Variants in PTPRN2 observed in about 807,000 individuals in gnomAD.
PTPRN2 encodes receptor-type tyrosine-protein phosphatase N2.
PTPRN2 carries 74 observed loss-of-function variants against 118.8 expected under a neutral mutation model. The ratio of observed to expected loss-of-function variants is 0.62; its 90% confidence interval spans 0.52 to 0.76. The LOEUF (loss-of-function observed/expected upper bound fraction) is 0.76, where lower values mean the gene tolerates loss of function less well. Among genes scored for constraint, PTPRN2 ranks in the 30% least tolerant of loss-of-function variants. PTPRN2 has a pLI of 0.00. For synonymous variants in PTPRN2, 641 were observed against 608.0 expected, an observed-to-expected ratio of 1.05 and a Z score of -0.80; for missense variants, 1,481 against 1,394.4, an observed-to-expected ratio of 1.06 and a Z score of -0.99.
intron 11 of PTPRN2, among the ~76,000 whole-genome samples, chr7:157,994,642 G>GTTCCTAAAATCAACGCCGCA (rs1804556065): frequency 8.0e-6 from 1 of 125,746 alleles, no homozygotes; most frequent in African/African-American, 3.5e-5. Context: ...TCAACGCCGT[G>GTTCCTAAAATCAACGCCGCA]TCCCCAGCTT....
At chr7:158,151,065 CT>C (rs1820998724) in intron 6 of PTPRN2, among the ~76,000 whole-genome samples, 4 of 120,602 alleles carry the variant, frequency 3.3e-5, no homozygotes, top group Non-Finnish European at 5.5e-5. Flanking sequence ...CACTGCCCGC[CT>C]TTCCACTCTT....
chr7:158,015,354 C>A lies in PTPRN2; in HGVS notation c.1723+65944G>T, dbSNP rs530087931. Among the ~76,000 whole-genome samples the A allele has an allele frequency of 2.0e-5, 3 of 152,214 alleles. No individual in the cohort carries two copies. Among genetic ancestry groups the A allele is most frequent in the South Asian group, 2.1e-4 (1 of 4,824 alleles). On this transcript the variant is annotated intron_variant, in intron 11 of 22. Transcript: ENST00000389418. This position sits in a 1 kb window ranked among gnomAD's most constrained non-coding sequence, Gnocchi z 4.2. ...TGTTTTTAACCTAAAATGAACAAATCCCCTGTCTACCGATTAAAAACTCTG... is the reference window on the plus strand; with the variant it reads ...TGTTTTTAACCTAAAATGAACAAATACCCTGTCTACCGATTAAAAACTCTG...
chr7:158,375,110 T>C lies in PTPRN2; in HGVS notation c.164-58178A>G, dbSNP rs370533802. The stretch of plus-strand genomic sequence containing the variant: ...TGGGGGAAACCAGCTCTCAGCTGCT[T>C]CACGTGGCAGTGAGACCCTAAATAT... On this transcript the variant is annotated intron_variant, in intron 2 of 22. Coordinates refer to ENST00000389418, the MANE Select transcript of PTPRN2 (RefSeq NM_002847.5). Among the ~76,000 whole-genome samples, 1,095 of 152,226 alleles carry C rather than the reference T, an allele frequency of 7.2e-3. 10 individuals carry two copies. The highest frequency in any genetic ancestry group is 0.025 in the African/African-American group (1,042 of 41,534).
At chr7:158,326,867 G>A (rs967396286) in intron 2 of PTPRN2, among the ~76,000 whole-genome samples, 7 of 134,420 alleles carry the variant, frequency 5.2e-5, no homozygotes, top group Admixed American at 1.5e-4. Context: ...GCTCATTCTC[G>A]CATGCACACG....
intron 2 of PTPRN2, among the ~76,000 whole-genome samples, chr7:158,469,672 C>G (rs1374671975): frequency 7.5e-6 from 1 of 133,164 alleles, no homozygotes; most frequent in East Asian, 2.3e-4. Context: ...AGATGCTCCT[C>G]AATCATTAAA....
rs559994751 is a variant in PTPRN2, at chr7:157,621,200, C to G, written c.2344+162G>C. 7.2e-5 allele frequency among the ~76,000 whole-genome samples: 11 copies of G among 151,992 alleles called. No individual in the cohort carries two copies. The East Asian group carries it at 2.1e-3, about 29-fold the overall frequency. The stretch of plus-strand genomic sequence containing the variant: ...ACGGCTAGTTTCCACTGCCTGTAAC[C>G]CAGGCCTCCCGTCCCCGGGGCTGGT... On this transcript the variant is annotated intron_variant, in intron 15 of 22. Coordinates refer to ENST00000389418, the MANE Select transcript of PTPRN2 (RefSeq NM_002847.5).
intron 3 of PTPRN2, among the ~76,000 whole-genome samples, chr7:158,264,504 C>T (rs539802608): frequency 3.3e-5 from 5 of 152,304 alleles, no homozygotes; most frequent in African/African-American, 9.6e-5. Flanking sequence ...TACGACAGAT[C>T]GCCATGGGCC....
At position 157,784,461 on chromosome 7, in the gene PTPRN2, C is replaced by T. The variant is rs916398849; in HGVS notation, c.1789-101524G>A. 7.2e-5 allele frequency among the ~76,000 whole-genome samples: 11 copies of T among 152,232 alleles called. No individual in the cohort carries two copies. The highest frequency in any genetic ancestry group is 1.3e-4 in the Non-Finnish European group (9 of 68,046). ...TCAGGGCTGGGTCCAGCCTCACCTGCAAAAGCTGTGGCTGCGGGAACCTTC... is the reference window on the plus strand; with the variant it reads ...TCAGGGCTGGGTCCAGCCTCACCTGTAAAAGCTGTGGCTGCGGGAACCTTC... On this transcript the variant is annotated intron_variant, in intron 12 of 22. Coordinates refer to ENST00000389418, the MANE Select transcript of PTPRN2 (RefSeq NM_002847.5). The surrounding 1 kb of genome is among the most constrained non-coding windows in gnomAD (Gnocchi z 4.6).
chr7:157,847,893 T>C (rs4716791), intron 12 of PTPRN2, among the ~76,000 whole-genome samples: 103 of 118,720 alleles, frequency 8.7e-4, no homozygotes, highest in Admixed American at 1.4e-3. Flanking sequence ...TGCCCGATGT[T>C]TACAGAGCCC....
chr7:158,274,676 G>T (rs1016812266), intron 3 of PTPRN2, among the ~76,000 whole-genome samples: 1 of 152,172 alleles, frequency 6.6e-6, no homozygotes, highest in African/African-American at 2.4e-5. Flanking sequence ...TGCCTGGGAC[G>T]ACATTACTGC....
At chr7:158,551,171 C>T (rs1055829787) in intron 1 of PTPRN2, among the ~76,000 whole-genome samples, 1 of 152,258 alleles carries the variant, frequency 6.6e-6, no homozygotes, top group Non-Finnish European at 1.5e-5. Context: ...CACAGCTGGG[C>T]TCTGGTGAGG....
Position 157,940,737 on chromosome 7 carries a change from C to CGAT in PTPRN2, c.1724-42001_1724-42000insATC, listed in dbSNP as rs528897468. The stretch of plus-strand genomic sequence containing the variant: ...GACACTGCAAATCTAACGCCCTGCC[C>CGAT]CATGACACTGCAAATCTGACACCCT... On this transcript the variant is annotated intron_variant, in intron 11 of 22. Coordinates refer to ENST00000389418, the MANE Select transcript of PTPRN2 (RefSeq NM_002847.5). 6.0e-3 allele frequency among the ~76,000 whole-genome samples: 367 copies of CGAT among 61,186 alleles called. 99 individuals carry two copies. The highest frequency in any genetic ancestry group is 0.017 in the African/African-American group (115 of 6,610). The allele number at this position is 61,186 out of a possible 152,430, so 40.1% of individuals were successfully genotyped here.
intron 9 of PTPRN2, among the ~76,000 whole-genome samples, chr7:158,121,738 C>T (rs924973881): frequency 3.9e-5 from 6 of 152,164 alleles, no homozygotes; most frequent in African/African-American, 9.7e-5. Context: ...TTTGTGAACC[C>T]GCTGCCTCCA....
chr7:157,681,187 A>G (rs1229314450), intron 13 of PTPRN2, among the ~76,000 whole-genome samples: 1 of 152,154 alleles, frequency 6.6e-6, no homozygotes, highest in Admixed American at 6.5e-5. Context: ...AAAGTATATC[A>G]AAGGGCGCCA....
rs1052987307 is a variant in PTPRN2 at position 157,690,127 on chromosome 7, G to A, written c.1789-7190C>T. 6.6e-6 allele frequency among the ~76,000 whole-genome samples: 1 copy of A among 152,212 alleles called. No homozygotes were observed. Among genetic ancestry groups the A allele is most frequent in the Non-Finnish European group, 1.5e-5 (1 of 68,034 alleles). On this transcript the variant is annotated intron_variant, in intron 12 of 22. Transcript: ENST00000389418. This position sits in a 1 kb window ranked among gnomAD's most constrained non-coding sequence, Gnocchi z 7.1. ...AGAGCGCTGGGGAGAAGTCCCGGAGGTCCTAGACTCCTTGGGGCGGTCTCT... is the reference window on the plus strand; with the variant it reads ...AGAGCGCTGGGGAGAAGTCCCGGAGATCCTAGACTCCTTGGGGCGGTCTCT...
intron 1 of PTPRN2, among the ~76,000 whole-genome samples, chr7:158,578,029 A>C (rs1487792561): frequency 6.6e-6 from 1 of 152,224 alleles, no homozygotes; most frequent in Non-Finnish European, 1.5e-5. Flanking sequence ...GCTTCAGAAG[A>C]GCAAAGGGAA....
At position 157,856,632 on chromosome 7, in the gene PTPRN2, A is replaced by G. The variant is rs567337360; in HGVS notation, c.1788+42041T>C. 6.1e-4 allele frequency among the ~76,000 whole-genome samples: 93 copies of G among 152,368 alleles called. No individual in the cohort carries two copies. The South Asian group carries it at 0.018, about 29-fold the overall frequency. On this transcript the variant is annotated intron_variant, in intron 12 of 22. Coordinates refer to ENST00000389418, the MANE Select transcript of PTPRN2 (RefSeq NM_002847.5). ...AGTAGTGCAAAGGTCTCATTTTTAT[A>G]AAATGGATAAAGTGACAAAATACAT...
chr7:158,319,456 A>ACACACAAGCG (rs1802660856), intron 2 of PTPRN2, among the ~76,000 whole-genome samples: 1 of 98,290 alleles, frequency 1.0e-5, no homozygotes, highest in African/African-American at 4.5e-5. Flanking sequence ...ACACACGCAC[A>ACACACAAGCG]CAGCCTCCCT....
intron 9 of PTPRN2, among the ~76,000 whole-genome samples, chr7:158,112,266 G>C (rs1563451028): frequency 2.0e-5 from 3 of 152,242 alleles, no homozygotes; most frequent in African/African-American, 7.2e-5. Context: ...AGGGCAGAGA[G>C]GAGAGACTGT....
Sources: gnomAD v4.1 joint callset for allele counts (sites outside exome capture counted in the v4.1 genomes callset) on GRCh38, gnomAD v4.1.1 for gene constraint, Gnocchi (gnomAD v3.1) non-coding constraint, MANE v1.5 for transcripts, NCBI Gene and HGNC (gene_info 2026-07-23, HGNC 2026-07-21) for gene names.